ACP3: variants seen among roughly 807,000 people sequenced by gnomAD.
ACP3 encodes prostatic acid phosphatase.
ACP3 carries 38 observed loss-of-function variants against 45.6 expected under a neutral mutation model. That is an observed-to-expected ratio of 0.83 (90% CI 0.64 to 1.09). ACP3 has a LOEUF of 1.09. Among genes scored for constraint, ACP3 ranks in the 50% least tolerant of loss-of-function variants. The pLI, the probability that ACP3 is intolerant of heterozygous loss-of-function variation, is 0.00. For missense variants in ACP3, 466 were observed against 463.2 expected (o/e 1.01, Z -0.05); for synonymous variants, 162 against 164.7 (o/e 0.98, Z 0.13).
intron 6 of ACP3, among the ~76,000 whole-genome samples, chr3:132,344,295 A>AG (rs1196085176): frequency 2.0e-5 from 3 of 151,508 alleles, no homozygotes; most frequent in Non-Finnish European, 2.9e-5. Flanking sequence ...AAAAAAAAAA[A>AG]AAGTGCCACG....
chr3:132,343,521 C>T (rs1937574734), intron 6 of ACP3, among the ~76,000 whole-genome samples: 1 of 152,122 alleles, frequency 6.6e-6, no homozygotes, highest in South Asian at 2.1e-4. Flanking sequence ...ATTTTTGTTC[C>T]AGTCATAATT....
rs1937953994 is a variant in ACP3 at position 132,358,074 on chromosome 3, AAT to A, written c.*1198_*1199del. On this transcript the variant is annotated 3_prime_UTR_variant, in exon 10 of 10. Transcript: ENST00000336375. Reference sequence around the variant, plus strand: ...AAATAAATAAATAAATAAATAAATAAATAAAAACAAAGTTGATTAAGAAAGGA... The same window carrying A: ...AAATAAATAAATAAATAAATAAATAAAAAAACAAAGTTGATTAAGAAAGGA... The A allele has an allele frequency of 6.7e-6, 1 of 149,596 alleles. No homozygotes were observed. Among genetic ancestry groups the A allele is most frequent in the African/African-American group, 2.6e-5 (1 of 38,876 alleles). 9.3% of individuals were successfully genotyped at this position (149,596 alleles called of 1,614,324 possible).
chr3:132,367,389 A>G (rs1335562836), intron 10 of ACP3, among the ~76,000 whole-genome samples: 1 of 152,230 alleles, frequency 6.6e-6, no homozygotes, highest in Non-Finnish European at 1.5e-5. Context: ...GACCATGGAC[A>G]ATTGGTAATA....
intron 5 of ACP3, 28 bp from the exon 6 acceptor site, chr3:132,342,524 A>C: frequency 6.6e-7 from 1 of 1,504,308 alleles, no homozygotes; most frequent in Non-Finnish European, 9.2e-7. Context: ...CCTGTGTAGG[A>C]ATTTTTCTTT....
intron 6 of ACP3, among the ~76,000 whole-genome samples, chr3:132,344,277 C>CAAA (rs56793876): frequency 2.2e-4 from 22 of 99,358 alleles, no homozygotes; most frequent in South Asian, 6.7e-4. Flanking sequence ...GATTCTGTCT[C>CAAA]AAAAAAAAAA....
rs553521994 is a variant in ACP3, at chr3:132,328,679, C to CAAAAAA, written c.216+335_216+340dup. On this transcript the variant is annotated intron_variant, in intron 2 of 9. Coordinates refer to ENST00000336375, the MANE Select transcript of ACP3 (RefSeq NM_001099.5). ...GGGCAACAAGAGTAAAACTCTATCTCAAAAAAAAAAAAAAAAAAAAAAAGA... is the reference window on the plus strand; with the variant it reads ...GGGCAACAAGAGTAAAACTCTATCTCAAAAAAAAAAAAAAAAAAAAAAAAAAAAAGA... Among the ~76,000 whole-genome samples the CAAAAAA allele has an allele frequency of 7.3e-4, 51 of 70,210 alleles. 4 individuals carry two copies. The East Asian group carries it at 0.016, about 22-fold the overall frequency. 46.1% of individuals were successfully genotyped at this position (70,210 alleles called of 152,430 possible).
At chr3:132,328,143 A>T in intron 1 of ACP3, 124 bp from the exon 2 acceptor site, 1 of 636,554 alleles carries the variant, frequency 1.6e-6, no homozygotes, top group Non-Finnish European at 2.7e-6. Context: ...AAAACTCCTT[A>T]CGTGATTACA....
At chr3:132,345,568 G>C (rs1215839800) in intron 7 of ACP3, among the ~76,000 whole-genome samples, 2 of 152,160 alleles carry the variant, frequency 1.3e-5, no homozygotes, top group African/African-American at 4.8e-5. Flanking sequence ...TATTTTTCAG[G>C]CTAATTGTTA....
intron 4 of ACP3, among the ~76,000 whole-genome samples, chr3:132,334,454 T>C (rs1203325150): frequency 6.6e-6 from 1 of 152,212 alleles, no homozygotes; most frequent in Non-Finnish European, 1.5e-5. Context: ...CAAATTAGCA[T>C]GTGTGAAATG....
chr3:132,318,284 C>A (rs1312575774), intron 1 of ACP3, among the ~76,000 whole-genome samples: 3 of 152,108 alleles, frequency 2.0e-5, no homozygotes, highest in African/African-American at 7.2e-5. Context: ...GTTTCTGTAT[C>A]TTTTTTTCCT....
downstream of ACP3, among the ~76,000 whole-genome samples, chr3:132,363,174 A>T (rs1484949498): frequency 6.6e-6 from 1 of 152,180 alleles, no homozygotes. Context: ...CAGGTTCCTC[A>T]TTCCACATTC....
At chr3:132,331,402 A>G (rs1210237356) in intron 2 of ACP3, among the ~76,000 whole-genome samples, 1 of 152,228 alleles carries the variant, frequency 6.6e-6, no homozygotes, top group South Asian at 2.1e-4. Context: ...AGCACTTACT[A>G]TGTGCAAGTC....
intron 3 of ACP3, 105 bp downstream of exon 3, chr3:132,331,838 C>T (rs1420471865): frequency 1.9e-6 from 2 of 1,032,218 alleles, no homozygotes; most frequent in Admixed American, 2.9e-5. Context: ...TTATACAAGT[C>T]AGAGGTCTTG....
chr3:132,321,776 A>T (rs958667446), intron 1 of ACP3, among the ~76,000 whole-genome samples: 2 of 152,204 alleles, frequency 1.3e-5, no homozygotes, highest in Non-Finnish European at 2.9e-5. Flanking sequence ...GCTGTTTCCC[A>T]TTGCTCAATA....
At chr3:132,342,482 C>G (rs1937562949) in intron 5 of ACP3, 70 bp from the exon 6 acceptor site, 5 of 1,107,076 alleles carry the variant, frequency 4.5e-6, no homozygotes, top group Non-Finnish European at 4.1e-6. Flanking sequence ...AATTGTCTGG[C>G]CCAAAATATC....
intron 6 of ACP3, among the ~76,000 whole-genome samples, chr3:132,343,802 T>A (rs1221129679): frequency 6.6e-6 from 1 of 152,164 alleles, no homozygotes; most frequent in Non-Finnish European, 1.5e-5. Flanking sequence ...ATTTACCAAG[T>A]ATCCACTGTG....
At chr3:132,360,492 T>A (rs944754062), downstream of ACP3, among the ~76,000 whole-genome samples, 3 of 152,172 alleles carry the variant, frequency 2.0e-5, no homozygotes, top group African/African-American at 7.2e-5. Context: ...TAAGCAGTGT[T>A]TTTAGCTAGT....
chr3:132,328,969 T>C (rs1937352942), intron 2 of ACP3, among the ~76,000 whole-genome samples: 1 of 152,210 alleles, frequency 6.6e-6, no homozygotes, highest in African/African-American at 2.4e-5. Flanking sequence ...TATCAGAATA[T>C]GATTTCTTGT....
At chr3:132,328,861 T>A (rs139240366) in intron 2 of ACP3, among the ~76,000 whole-genome samples, 1 of 152,150 alleles carries the variant, frequency 6.6e-6, no homozygotes, top group Non-Finnish European at 1.5e-5. Context: ...AAGCCAGGAT[T>A]TGAATTTCTT....
Sources: gnomAD v4.1 joint callset for allele counts (sites outside exome capture counted in the v4.1 genomes callset) on GRCh38, gnomAD v4.1.1 for gene constraint, MANE v1.5 for transcripts, NCBI Gene and HGNC (gene_info 2026-07-23, HGNC 2026-07-21) for gene names.